Variants in ST3GAL3 observed in about 807,000 individuals in gnomAD.
ST3GAL3 encodes ST3 beta-galactoside alpha-2,3-sialyltransferase 3, also known as CMP-N-acetylneuraminate-beta-1,4-galactoside alpha-2,3-sialyltransferase.
In ST3GAL3, 21 loss-of-function variants were observed where a neutral mutation model predicts 50.1. The ratio of observed to expected loss-of-function variants is 0.42; its 90% confidence interval spans 0.30 to 0.60. The LOEUF (loss-of-function observed/expected upper bound fraction) is 0.60. Among genes scored for constraint, ST3GAL3 ranks in the 20% least tolerant of loss-of-function variants. ST3GAL3 has a pLI of 0.19. For synonymous variants in ST3GAL3, 183 were observed against 190.0 expected (o/e 0.96, Z 0.30); for missense variants, 353 against 489.4 (o/e 0.72, Z 2.63).
intron 2 of ST3GAL3, among the ~76,000 whole-genome samples, chr1:43,750,031 A>G (rs1411053952): frequency 1.3e-5 from 2 of 152,198 alleles, no homozygotes; most frequent in African/African-American, 2.4e-5. Context: ...TTTTTTTTCA[A>G]TATAAATTAC....
At chr1:43,917,644 T>TATATA (rs1386942500) in intron 9 of ST3GAL3, among the ~76,000 whole-genome samples, 2 of 73,856 alleles carry the variant, frequency 2.7e-5, no homozygotes, top group African/African-American at 1.0e-4. Context: ...TATAATATAA[T>TATATA]ATATAATATA....
intron 9 of ST3GAL3, among the ~76,000 whole-genome samples, chr1:43,911,710 C>G (rs2080961415): frequency 1.4e-5 from 2 of 142,786 alleles, no homozygotes; most frequent in Non-Finnish European, 3.0e-5. Context: ...TTTTTTTAGA[C>G]AAGGTCTGGC....
chr1:43,707,938 C>T (rs1662273755), intron 1 of ST3GAL3: 1 of 152,400 alleles, frequency 6.6e-6, no homozygotes, highest in Non-Finnish European at 1.5e-5. Context: ...CGGCCGGACG[C>T]AGGCCAGGAG....
chr1:43,765,381 G>C (rs1469614696), intron 2 of ST3GAL3, among the ~76,000 whole-genome samples: 1 of 152,104 alleles, frequency 6.6e-6, no homozygotes, highest in African/African-American at 2.4e-5. Flanking sequence ...TCCCTGCAGC[G>C]CACGTTCCAC....
intron 5 of ST3GAL3, among the ~76,000 whole-genome samples, chr1:43,890,876 G>A (rs777966681): frequency 2.0e-5 from 3 of 152,050 alleles, no homozygotes; most frequent in Middle Eastern, 3.4e-3. Context: ...AGACGTATAC[G>A]GGACAGATGA....
intron 4 of ST3GAL3, among the ~76,000 whole-genome samples, chr1:43,818,619 A>G (rs2061701521): frequency 6.6e-6 from 1 of 152,236 alleles, no homozygotes; most frequent in African/African-American, 2.4e-5. Flanking sequence ...ACAACTGGTA[A>G]CAGAGGAGTA....
At chr1:43,709,902 T>C (rs1263716712) in intron 1 of ST3GAL3, among the ~76,000 whole-genome samples, 2 of 152,000 alleles carry the variant, frequency 1.3e-5, no homozygotes, top group Non-Finnish European at 2.9e-5. Flanking sequence ...TGAGAATATA[T>C]GCGTGAGCCA....
intron 3 of ST3GAL3, among the ~76,000 whole-genome samples, chr1:43,804,259 G>T (rs982026340): frequency 6.6e-6 from 1 of 152,174 alleles, no homozygotes; most frequent in African/African-American, 2.4e-5. Context: ...GATGCGCTGG[G>T]ATCTGTAACC....
chr1:43,779,874 G>A (rs974238117), intron 2 of ST3GAL3, among the ~76,000 whole-genome samples: 3 of 152,134 alleles, frequency 2.0e-5, no homozygotes, highest in Non-Finnish European at 4.4e-5. Flanking sequence ...TTCCCCAGTT[G>A]TATAAATCTT....
At chr1:43,757,715 G>A (rs1015882034) in intron 2 of ST3GAL3, among the ~76,000 whole-genome samples, 3 of 152,098 alleles carry the variant, frequency 2.0e-5, no homozygotes, top group African/African-American at 7.2e-5. Context: ...GGAGAGAAAT[G>A]TTAGTGATTT....
At chr1:43,752,743 TC>T in intron 2 of ST3GAL3, among the ~76,000 whole-genome samples, 1 of 152,246 alleles carries the variant, frequency 6.6e-6, no homozygotes, top group East Asian at 1.9e-4. Flanking sequence ...GCTCAAGCGA[TC>T]CTCCCACCTC....
chr1:43,749,757 T>G (rs1396943013), intron 2 of ST3GAL3, among the ~76,000 whole-genome samples: 1 of 152,212 alleles, frequency 6.6e-6, no homozygotes, highest in African/African-American at 2.4e-5. Flanking sequence ...GATGGGACCC[T>G]TTGGGAAGTG....
At chr1:43,924,873 A>G (rs528148828) in intron 11 of ST3GAL3, among the ~76,000 whole-genome samples, 2 of 152,168 alleles carry the variant, frequency 1.3e-5, no homozygotes, top group South Asian at 4.1e-4. Flanking sequence ...GCCCTCTCTG[A>G]TGGAGTCTTT....
intron 5 of ST3GAL3, among the ~76,000 whole-genome samples, chr1:43,857,413 A>T (rs1011733762): frequency 6.6e-6 from 1 of 152,138 alleles, no homozygotes; most frequent in African/African-American, 2.4e-5. Context: ...TACCAAAAAA[A>T]ACCCAAAAAA....
At chr1:43,893,191 T>C (rs1298936786) in intron 5 of ST3GAL3, among the ~76,000 whole-genome samples, 1 of 152,216 alleles carries the variant, frequency 6.6e-6, no homozygotes, top group African/African-American at 2.4e-5. Context: ...GTGTTAGTGA[T>C]GATAGGGATG....
chr1:43,858,199 A>G (rs2154223739), intron 5 of ST3GAL3: 1 of 1,289,404 alleles, frequency 7.8e-7, no homozygotes, highest in Non-Finnish European at 1.0e-6. Flanking sequence ...CCAGAGGTGA[A>G]GACAGAGGAT....
chr1:43,780,909 C>T (rs1342987798), intron 2 of ST3GAL3, among the ~76,000 whole-genome samples: 1 of 152,022 alleles, frequency 6.6e-6, no homozygotes, highest in Non-Finnish European at 1.5e-5. Flanking sequence ...CAAATACTTT[C>T]CTCTAATGCC....
intron 4 of ST3GAL3, chr1:43,824,991 A>C: frequency 1.4e-6 from 1 of 708,200 alleles, no homozygotes; most frequent in African/African-American, 1.7e-5. Context: ...ATTGATACCA[A>C]GAATAAATCT....
At chr1:43,829,307 C>T (rs986422148) in intron 4 of ST3GAL3, among the ~76,000 whole-genome samples, 3 of 152,104 alleles carry the variant, frequency 2.0e-5, no homozygotes, top group Non-Finnish European at 4.4e-5. Context: ...TAAGGATTAA[C>T]AATAATGTAA....
Sources: gnomAD v4.1 joint callset for allele counts (sites outside exome capture counted in the v4.1 genomes callset) on GRCh38, gnomAD v4.1.1 for gene constraint, MANE v1.5 for transcripts, NCBI Gene and HGNC (gene_info 2026-07-23, HGNC 2026-07-21) for gene names.